The following PLCB1 variants were observed in gnomAD, a reference collection of about 807,000 sequenced individuals.
PLCB1 encodes phospholipase C beta 1, also known as 1-phosphatidylinositol 4,5-bisphosphate phosphodiesterase beta-1.
A neutral mutation model predicts 161.8 loss-of-function variants in PLCB1; 46 were observed. The observed-to-expected ratio is 0.28, with a 90% CI of 0.22 to 0.36. The LOEUF (loss-of-function observed/expected upper bound fraction) is 0.36. Ranked by LOEUF, PLCB1 falls within the 10% of genes least tolerant of loss-of-function variation. The probability of loss-of-function intolerance (pLI) is 1.00; values close to 1 mark genes in which losing one functional copy is unlikely to be tolerated. For missense variants in PLCB1, 1,016 were observed against 1,472.5 expected (o/e 0.69, Z 5.07); for synonymous variants, 517 against 503.7 (o/e 1.03, Z -0.35).
intron 2 of PLCB1, among the ~76,000 whole-genome samples, chr20:8,184,871 C>A (rs1417273150): frequency 6.6e-6 from 1 of 150,940 alleles, no homozygotes; most frequent in African/African-American, 2.4e-5. Context: ...ATATATGTCC[C>A]ATGGTGGTTT....
intron 3 of PLCB1, among the ~76,000 whole-genome samples, chr20:8,481,035 C>G (rs1307806752): frequency 6.6e-6 from 1 of 152,040 alleles, no homozygotes; most frequent in Non-Finnish European, 1.5e-5. Context: ...ATCGGGGAGG[C>G]AAAGGTTGCA....
At position 8,500,221 on chromosome 20, in the gene PLCB1, T is replaced by G. The variant is rs569191495; in HGVS notation, c.247-128073T>G. 4.6e-5 allele frequency among the ~76,000 whole-genome samples: 7 copies of G among 152,172 alleles called. No homozygotes were observed. In the South Asian group the frequency reaches 1.4e-3, roughly 31 times the overall value. Reference sequence around the variant, plus strand: ...TAAAAGAAAGCAAAAGAAAGCAGAGTCTAACAAAGGAGACAGAACATTTTA... The same window carrying G: ...TAAAAGAAAGCAAAAGAAAGCAGAGGCTAACAAAGGAGACAGAACATTTTA... On this transcript the variant is annotated intron_variant, in intron 3 of 31. Coordinates refer to ENST00000338037, the MANE Select transcript of PLCB1 (RefSeq NM_015192.4).
chr20:8,190,063 A>G (rs2123107231), intron 2 of PLCB1, among the ~76,000 whole-genome samples: 1 of 152,242 alleles, frequency 6.6e-6, no homozygotes. Context: ...CCATCCCCTG[A>G]CATATAAATA....
intron 31 of PLCB1, among the ~76,000 whole-genome samples, chr20:8,842,795 G>A (rs910069287): frequency 2.0e-5 from 3 of 152,166 alleles, no homozygotes; most frequent in Middle Eastern, 3.2e-3. Context: ...TCCATACAAT[G>A]TCTGAAATCT....
chr20:8,728,301 T>C (rs567122165), intron 17 of PLCB1, among the ~76,000 whole-genome samples: 1 of 152,232 alleles, frequency 6.6e-6, no homozygotes, highest in Admixed American at 6.5e-5. Flanking sequence ...AATTTCATTT[T>C]GCCTAGCTCA....
chr20:8,193,886 G>A (rs2051996248), intron 2 of PLCB1, among the ~76,000 whole-genome samples: 1 of 151,942 alleles, frequency 6.6e-6, no homozygotes, highest in Admixed American at 6.6e-5. Flanking sequence ...CTTTTTAAAT[G>A]GATCTGTTAA....
chr20:8,784,393 T>A (rs1221173885), intron 27 of PLCB1, among the ~76,000 whole-genome samples: 2 of 151,960 alleles, frequency 1.3e-5, no homozygotes, highest in African/African-American at 4.8e-5. Flanking sequence ...TGAAACCCTG[T>A]CTCTACTAAA....
At position 8,287,496 on chromosome 20, in the gene PLCB1, G is replaced by A. The variant is rs139570229; in HGVS notation, c.178-83886G>A. ...GAGGAGGAATGGAGAGCCAGATGGT[G>A]CCTGTGGCTCCATGTAGATGATTCC... On this transcript the variant is annotated intron_variant, in intron 2 of 31. Coordinates refer to ENST00000338037, the MANE Select transcript of PLCB1 (RefSeq NM_015192.4). Among the ~76,000 whole-genome samples, 856 of 152,294 alleles carry A rather than the reference G, an allele frequency of 5.6e-3. 6 individuals are homozygous for A. The highest frequency in any genetic ancestry group is 0.014 in the Middle Eastern group (4 of 294).
chr20:8,699,763 A>G (rs966086344), intron 11 of PLCB1, among the ~76,000 whole-genome samples: 1 of 152,224 alleles, frequency 6.6e-6, no homozygotes, highest in Non-Finnish European at 1.5e-5. Context: ...AAATATGTGT[A>G]TTATGTTGTG....
intron 2 of PLCB1, among the ~76,000 whole-genome samples, chr20:8,185,655 C>T (rs1393548122): frequency 6.6e-6 from 1 of 151,650 alleles, no homozygotes; most frequent in Non-Finnish European, 1.5e-5. Context: ...TGAGAGGGGA[C>T]AGGAGAGGAA....
At chr20:8,393,187 A>G (rs1244775025) in intron 3 of PLCB1, among the ~76,000 whole-genome samples, 3 of 152,138 alleles carry the variant, frequency 2.0e-5, no homozygotes, top group East Asian at 3.9e-4. Context: ...TTATATTTAT[A>G]CCCAAGAATT....
Position 8,759,896 on chromosome 20 carries a change from A to ATTTTTTTTT in PLCB1, c.2657-497_2657-489dup, listed in dbSNP as rs3033840. Among the ~76,000 whole-genome samples the ATTTTTTTTT allele has an allele frequency of 1.2e-3, 93 of 78,268 alleles. 3 individuals are homozygous for ATTTTTTTTT. Among genetic ancestry groups the ATTTTTTTTT allele is most frequent in the African/African-American group, 4.1e-3 (80 of 19,570 alleles). 51.3% of individuals were successfully genotyped at this position (78,268 alleles called of 152,430 possible). A position where few individuals can be genotyped will look rare whatever the true frequency, so the allele number is the denominator to read the frequency against. The stretch of plus-strand genomic sequence containing the variant: ...TTATAAATGGGGCATATAATATCAC[A>ATTTTTTTTT]TTTTTTTTTTTTTTTTTTTTTTGGA... On this transcript the variant is annotated intron_variant, in intron 24 of 31. Coordinates refer to ENST00000338037, the MANE Select transcript of PLCB1 (RefSeq NM_015192.4).
At chr20:8,475,069 G>A (rs1402050066) in intron 3 of PLCB1, among the ~76,000 whole-genome samples, 1 of 151,740 alleles carries the variant, frequency 6.6e-6, no homozygotes, top group Non-Finnish European at 1.5e-5. Context: ...ATTTGGCAAG[G>A]AGAAATCATT....
At chr20:8,590,926 G>A (rs753440515) in intron 3 of PLCB1, among the ~76,000 whole-genome samples, 50 of 151,986 alleles carry the variant, frequency 3.3e-4, no homozygotes, top group African/African-American at 1.9e-4. Flanking sequence ...CATCACCTAG[G>A]TATTAAGCCC....
chr20:8,454,831 A>G (rs73092047), intron 3 of PLCB1, among the ~76,000 whole-genome samples: 1,812 of 152,256 alleles, frequency 0.012, 17 homozygotes, highest in Non-Finnish European at 0.02. Context: ...CATCTAACAT[A>G]TTATATATTT....
chr20:8,728,631 C>A (rs1009029729), intron 17 of PLCB1, among the ~76,000 whole-genome samples: 3 of 152,042 alleles, frequency 2.0e-5, no homozygotes, highest in African/African-American at 7.2e-5. Context: ...TTAACACATT[C>A]CAGCCTCCTT....
intron 31 of PLCB1, among the ~76,000 whole-genome samples, chr20:8,820,372 A>T (rs1985282700): frequency 6.6e-6 from 1 of 152,244 alleles, no homozygotes; most frequent in African/African-American, 2.4e-5. Flanking sequence ...GATTGGCAAC[A>T]TATAAATAGG....
chr20:8,263,982 C>T (rs6108128), intron 2 of PLCB1, among the ~76,000 whole-genome samples: 1 of 152,064 alleles, frequency 6.6e-6, no homozygotes, highest in Non-Finnish European at 1.5e-5. Context: ...AATTATCCAC[C>T]TTAGCTACTT....
intron 2 of PLCB1, among the ~76,000 whole-genome samples, chr20:8,252,547 T>A (rs1406942363): frequency 6.6e-6 from 1 of 152,150 alleles, no homozygotes; most frequent in East Asian, 1.9e-4. Flanking sequence ...TAGAATAAAT[T>A]AGAATACATT....
Sources: allele counts gnomAD v4.1 joint callset (sites outside exome capture counted in the v4.1 genomes callset), GRCh38; gene constraint gnomAD v4.1.1; transcripts MANE v1.5; gene names NCBI Gene and HGNC (gene_info 2026-07-23, HGNC 2026-07-21).